The following PDGFD variants were observed in gnomAD, a reference collection of about 807,000 sequenced individuals.
The protein encoded by PDGFD is platelet-derived growth factor D.
A neutral mutation model predicts 44.7 loss-of-function variants in PDGFD; 30 were observed. The observed-to-expected ratio is 0.67, with a 90% CI of 0.50 to 0.91. The LOEUF (loss-of-function observed/expected upper bound fraction) is 0.91, where lower values mean the gene tolerates loss of function less well. Among genes scored for constraint, PDGFD ranks in the 40% least tolerant of loss-of-function variants. The probability of loss-of-function intolerance (pLI) is 0.00; values close to 1 mark genes in which losing one functional copy is unlikely to be tolerated. For synonymous variants in PDGFD, 173 were observed against 168.4 expected (o/e 1.03, Z -0.21); for missense variants, 445 against 457.8 (o/e 0.97, Z 0.25).
intron 1 of PDGFD, among the ~76,000 whole-genome samples, chr11:104,032,833 T>C (rs1186353769): frequency 6.6e-6 from 1 of 152,052 alleles, no homozygotes; most frequent in Non-Finnish European, 1.5e-5. Context: ...CTGGAGACTC[T>C]GCAGGAATCT....
intron 3 of PDGFD, among the ~76,000 whole-genome samples, chr11:103,976,308 T>A (rs540001739): frequency 3.3e-5 from 5 of 152,082 alleles, no homozygotes; most frequent in African/African-American, 1.2e-4. Flanking sequence ...TGAATGGGAG[T>A]TCACTCATGA....
intron 1 of PDGFD, among the ~76,000 whole-genome samples, chr11:104,151,088 A>T (rs10791673): frequency 0.45 from 67,819 of 151,848 alleles, 15,206 homozygotes; most frequent in East Asian, 0.61. Flanking sequence ...TAGCTGTTGC[A>T]CACCCATCAT....
intron 1 of PDGFD, among the ~76,000 whole-genome samples, chr11:104,089,707 A>G (rs1565331724): frequency 6.6e-6 from 1 of 152,188 alleles, no homozygotes; most frequent in Non-Finnish European, 1.5e-5. Flanking sequence ...AAAAGCACCC[A>G]GACTTGAAAT....
At chr11:103,936,366 G>C (rs1858487599) in intron 5 of PDGFD, among the ~76,000 whole-genome samples, 1 of 152,124 alleles carries the variant, frequency 6.6e-6, no homozygotes, top group African/African-American at 2.4e-5. Flanking sequence ...ATATGTTAAT[G>C]CTCTCTGAAT....
chr11:104,048,784 G>A (rs1035264578), intron 1 of PDGFD, among the ~76,000 whole-genome samples: 24 of 152,202 alleles, frequency 1.6e-4, no homozygotes, highest in Middle Eastern at 3.4e-3. Flanking sequence ...CACTGCTTCC[G>A]GAATTAGAAA....
intron 1 of PDGFD, among the ~76,000 whole-genome samples, chr11:104,070,748 A>C (rs1017376853): frequency 4.6e-5 from 7 of 152,198 alleles, no homozygotes; most frequent in African/African-American, 1.7e-4. Flanking sequence ...TTACAGGTGA[A>C]CAGAACTCTA....
intron 1 of PDGFD, among the ~76,000 whole-genome samples, chr11:104,061,604 G>GT (rs1352178868): frequency 2.0e-5 from 3 of 152,024 alleles, no homozygotes; most frequent in African/African-American, 7.2e-5. Flanking sequence ...TTTTCTTTCT[G>GT]TTTTTTGTTT....
At chr11:104,016,455 G>A (rs931920685) in intron 1 of PDGFD, among the ~76,000 whole-genome samples, 3 of 152,200 alleles carry the variant, frequency 2.0e-5, no homozygotes, top group Admixed American at 2.0e-4. Context: ...GGCAGAATCT[G>A]GGCATATTCT....
intron 1 of PDGFD, among the ~76,000 whole-genome samples, chr11:104,129,301 C>G (rs947545383): frequency 6.6e-6 from 1 of 151,746 alleles, no homozygotes; most frequent in African/African-American, 2.4e-5. Context: ...TATTTAGGCA[C>G]CCTGGAGAGT....
At chr11:104,134,208 G>C (rs536960672) in intron 1 of PDGFD, among the ~76,000 whole-genome samples, 23 of 122,546 alleles carry the variant, frequency 1.9e-4, no homozygotes, top group Middle Eastern at 4.1e-3. Flanking sequence ...ACTCACACAA[G>C]TGCAATGCCA....
intron 1 of PDGFD, among the ~76,000 whole-genome samples, chr11:104,084,855 AAATAT>A (rs1206662994): frequency 6.8e-6 from 1 of 146,608 alleles, no homozygotes; most frequent in Non-Finnish European, 1.5e-5. Context: ...ATATATTTTA[AAATAT>A]AATATATAAA....
intron 1 of PDGFD, among the ~76,000 whole-genome samples, chr11:104,161,278 T>C (rs1278247300): frequency 6.6e-6 from 1 of 152,230 alleles, no homozygotes; most frequent in African/African-American, 2.4e-5. Context: ...ATATTCCATG[T>C]TCATGTCCTC....
At chr11:104,129,931 C>A (rs1861893835) in intron 1 of PDGFD, among the ~76,000 whole-genome samples, 1 of 149,144 alleles carries the variant, frequency 6.7e-6, no homozygotes, top group Non-Finnish European at 1.5e-5. Flanking sequence ...ATCGGTTGAA[C>A]CAAGGAGGCA....
chr11:103,960,369 A>G (rs1858917008), intron 3 of PDGFD, among the ~76,000 whole-genome samples: 1 of 152,168 alleles, frequency 6.6e-6, no homozygotes, highest in Non-Finnish European at 1.5e-5. Context: ...GGCAGGCCTC[A>G]TGCCTCACAC....
intron 1 of PDGFD, among the ~76,000 whole-genome samples, chr11:104,095,327 A>G (rs1180026438): frequency 6.6e-6 from 1 of 152,098 alleles, no homozygotes; most frequent in African/African-American, 2.4e-5. Context: ...AGCACAGTGC[A>G]CACAATACAC....
rs1157753146 is a variant in PDGFD at position 104,036,737 on chromosome 11, C to T, written c.125-36482G>A. 1.9e-6 allele frequency: 2 copies of T among 1,026,834 alleles called. 1 individual carries two copies. The highest frequency in any genetic ancestry group is 3.2e-5 in the African/African-American group (2 of 62,892). The allele number at this position is 1,026,834 out of a possible 1,614,324, so 63.6% of individuals were successfully genotyped here. ...TCCCTACCTACCAAGTCCTGAGGAG[C>T]AGCGGCACCAACGACGCAGGCCCGC... is the stretch of plus-strand genomic sequence containing the variant. On this transcript the variant is annotated intron_variant, in intron 1 of 6. Transcript: ENST00000393158.
intron 1 of PDGFD, among the ~76,000 whole-genome samples, chr11:104,028,689 T>C (rs1299716344): frequency 1.3e-5 from 2 of 149,490 alleles, no homozygotes; most frequent in African/African-American, 5.0e-5. Flanking sequence ...ACCACAACCC[T>C]GCATTCTAGA....
intron 1 of PDGFD, among the ~76,000 whole-genome samples, chr11:104,107,734 G>C (rs1861491518): frequency 6.6e-6 from 1 of 152,042 alleles, no homozygotes; most frequent in African/African-American, 2.4e-5. Context: ...GTGACTTTTG[G>C]CAAGTAATTC....
chr11:104,152,350 C>A (rs1383266307), intron 1 of PDGFD, among the ~76,000 whole-genome samples: 31 of 152,086 alleles, frequency 2.0e-4, no homozygotes, highest in Admixed American at 2.0e-3. Flanking sequence ...TCTATTACAG[C>A]AAATGTACTT....
Sources: allele counts gnomAD v4.1 joint callset (sites outside exome capture counted in the v4.1 genomes callset), GRCh38; gene constraint gnomAD v4.1.1; transcripts MANE v1.5; gene names NCBI Gene and HGNC (gene_info 2026-07-23, HGNC 2026-07-21).